The following NEK9 variants were observed in gnomAD, a reference collection of about 807,000 sequenced individuals.
NEK9 encodes serine/threonine-protein kinase Nek9.
In NEK9, 75 loss-of-function variants were observed where a neutral mutation model predicts 123.4. That is an observed-to-expected ratio of 0.61 (90% CI 0.50 to 0.74). The LOEUF is 0.74. Ranked by LOEUF, NEK9 falls within the 30% of genes least tolerant of loss-of-function variation. NEK9 has a pLI of 0.00. For missense variants in NEK9, 952 were observed against 1,214.4 expected (o/e 0.78, Z 3.21); for synonymous variants, 438 against 458.7 (o/e 0.95, Z 0.58).
rs1028063211 is a variant in NEK9, at chr14:75,091,556, C to A, written c.2234-78G>T. 3.3e-5 allele frequency: 42 copies of A among 1,264,490 alleles called. No homozygotes were observed. In the African/African-American group the frequency reaches 6.3e-4, roughly 19 times the overall value. The allele number at this position is 1,264,490 out of a possible 1,614,324, so 78.3% of individuals were successfully genotyped here. A position where few individuals can be genotyped will look rare whatever the true frequency, so the allele number is the denominator to read the frequency against. On this transcript the variant is annotated intron_variant, in intron 18 of 21. Transcript: ENST00000238616. ...TTTACCATTTGACAACCCTACTTAC[C>A]CTGGAAAGGTGCCTATAAGCTGCAT...
intron 14 of NEK9, among the ~76,000 whole-genome samples, chr14:75,102,683 C>G (rs1894627548): frequency 6.6e-6 from 1 of 152,198 alleles, no homozygotes; most frequent in South Asian, 2.1e-4. Flanking sequence ...TACAAAGACA[C>G]TCTCTCCAGC....
chr14:75,126,151 A>C (rs887465326), intron 1 of NEK9, among the ~76,000 whole-genome samples: 4 of 152,226 alleles, frequency 2.6e-5, no homozygotes, highest in African/African-American at 9.6e-5. Context: ...TAAAGAACCA[A>C]CACACAAAGA....
chr14:75,118,611 C>T (rs1398638971), intron 5 of NEK9, among the ~76,000 whole-genome samples: 1 of 152,174 alleles, frequency 6.6e-6, no homozygotes, highest in Non-Finnish European at 1.5e-5. Flanking sequence ...AGATAAGTCC[C>T]TAATCAGTGC....
intron 8 of NEK9, among the ~76,000 whole-genome samples, chr14:75,110,969 C>A (rs1352531149): frequency 2.0e-5 from 3 of 152,168 alleles, no homozygotes; most frequent in Non-Finnish European, 4.4e-5. Context: ...CTACTTCCCA[C>A]CTGTACTGTG....
rs754904152 is a variant in NEK9 at position 75,110,353 on chromosome 14, G to A, written c.957C>T (p.Val319=). 8 of 1,613,178 alleles carry A rather than the reference G, an allele frequency of 5.0e-6. No individual in the cohort carries two copies. The highest frequency in any genetic ancestry group is 5.1e-6 in the Non-Finnish European group (6 of 1,179,318). The part of the protein sequence containing the change: ...RKRRREMEEK[V]TLLNAPTKRP... ...TCTTTGTAGGTGCATTAAGCAGAGT[G>A]ACTTTTTCCTCCATCTCTCTACCAA... Residue 319 remains valine, a synonymous_variant, in exon 9 of 22, where the codon GTC becomes GTT. Coordinates refer to ENST00000238616, the MANE Select transcript of NEK9 (RefSeq NM_033116.6).
rs751180255 is a variant in NEK9 at position 75,083,049 on chromosome 14, C to G, written c.*1515G>C. The stretch of plus-strand genomic sequence containing the variant: ...AATGGGGTTCTCCCCAAGCATCAGC[C>G]TTTATGCCACCAGTTTTGGAGAAAT... On this transcript the variant is annotated 3_prime_UTR_variant, in exon 22 of 22. Coordinates refer to ENST00000238616, the MANE Select transcript of NEK9 (RefSeq NM_033116.6). 2.5e-6 allele frequency: 1 copy of G among 398,500 alleles called. No homozygotes were observed. Among genetic ancestry groups the G allele is most frequent in the Non-Finnish European group, 4.4e-6 (1 of 226,074 alleles). The allele number at this position is 398,500 out of a possible 1,614,324, so 24.7% of individuals were successfully genotyped here. A position where few individuals can be genotyped will look rare whatever the true frequency, so the allele number is the denominator to read the frequency against.
chr14:75,123,198 C>G (rs144622535), intron 2 of NEK9, among the ~76,000 whole-genome samples: 1 of 151,920 alleles, frequency 6.6e-6, no homozygotes, highest in South Asian at 2.1e-4. Context: ...GTCAGGAGTT[C>G]GAGACCAGTC....
At chr14:75,085,341 C>A (rs1444547627) in intron 21 of NEK9, among the ~76,000 whole-genome samples, 1 of 152,198 alleles carries the variant, frequency 6.6e-6, no homozygotes, top group African/African-American at 2.4e-5. Context: ...ATTTAATCCT[C>A]CAAAGAACCA....
chr14:75,102,370 C>T (rs900439086), intron 14 of NEK9, among the ~76,000 whole-genome samples: 24 of 152,146 alleles, frequency 1.6e-4, no homozygotes, highest in Admixed American at 3.3e-4. Flanking sequence ...TGTTTTGAGA[C>T]GGAGTCTTGC....
At chr14:75,095,457 G>A in intron 17 of NEK9, 26 bp from the exon 18 acceptor site, 1 of 1,558,354 alleles carries the variant, frequency 6.4e-7, no homozygotes, top group Non-Finnish European at 8.8e-7. Context: ...TGGTAGGTAA[G>A]CACTGTATAC....
chr14:75,084,809 G>A, intron 21 of NEK9, 123 bp from the exon 22 acceptor site: 1 of 1,262,364 alleles, frequency 7.9e-7, no homozygotes, highest in South Asian at 1.3e-5. Flanking sequence ...AGGATTTGTA[G>A]CCACGATCTT....
chr14:75,119,773 C>A (rs1237344635), intron 4 of NEK9, among the ~76,000 whole-genome samples: 1 of 152,120 alleles, frequency 6.6e-6, no homozygotes, highest in African/African-American at 2.4e-5. Flanking sequence ...GATAAATTGA[C>A]CATATGTAAA....
At chr14:75,124,002 C>A (rs1895429253) in intron 2 of NEK9, 44 bp downstream of exon 2, 2 of 1,498,428 alleles carry the variant, frequency 1.3e-6, no homozygotes, top group Admixed American at 3.4e-5. Context: ...AATTATGAGT[C>A]TAAGAAAGTC....
intron 18 of NEK9, among the ~76,000 whole-genome samples, chr14:75,092,288 GCA>G (rs922232420): frequency 8.1e-6 from 1 of 122,874 alleles, no homozygotes; most frequent in Admixed American, 8.6e-5. Flanking sequence ...TTTTTTTGAG[GCA>G]CAGTTTCATT....
intron 6 of NEK9, among the ~76,000 whole-genome samples, chr14:75,115,082 CGTGT>C (rs201640966): frequency 9.7e-5 from 12 of 124,248 alleles, no homozygotes; most frequent in African/African-American, 3.4e-4. Flanking sequence ...CATATATACA[CGTGT>C]GTGTACATAT....
chr14:75,086,566 C>A, intron 21 of NEK9: 1 of 162,458 alleles, frequency 6.2e-6, no homozygotes, highest in Non-Finnish European at 1.4e-5. Context: ...GGTGCCTGAA[C>A]AAGGCCCAAG....
chr14:75,103,477 A>G (rs1314030204), intron 14 of NEK9, among the ~76,000 whole-genome samples: 1 of 152,218 alleles, frequency 6.6e-6, no homozygotes, highest in Non-Finnish European at 1.5e-5. Context: ...ACACTGCAAA[A>G]TATCACACAG....
rs1223255803 is a variant in NEK9 at position 75,081,686 on chromosome 14, C to G, written c.*2878G>C. 3 of 152,104 alleles carry G rather than the reference C, an allele frequency of 2.0e-5. No individual in the cohort carries two copies. The highest frequency in any genetic ancestry group is 6.5e-5 in the Admixed American group (1 of 15,280). 9.4% of individuals were successfully genotyped at this position (152,104 alleles called of 1,614,324 possible). Reference sequence around the variant, plus strand: ...CTTTAAACTTCAGTGAAATGCTCAGCCAAGAGAAGTTGTAACTTGGCTGTG... The same window carrying G: ...CTTTAAACTTCAGTGAAATGCTCAGGCAAGAGAAGTTGTAACTTGGCTGTG... On this transcript the variant is annotated 3_prime_UTR_variant, in exon 22 of 22. Coordinates refer to ENST00000238616, the MANE Select transcript of NEK9 (RefSeq NM_033116.6). This position sits in a 1 kb window ranked among gnomAD's most constrained non-coding sequence, Gnocchi z 4.2.
At position 75,114,243 on chromosome 14, in the gene NEK9, G is replaced by C. The variant is rs1895054488; in HGVS notation, c.833C>G (p.Ser278Cys). The C allele has an allele frequency of 6.2e-7, 1 of 1,614,106 alleles. No individual in the cohort carries two copies. Residue 278 changes from serine (S) to cysteine (C), a missense_variant, in exon 7 of 22, where the codon TCT (serine) becomes TGT (cysteine). Ser to Cys is a moderately radical substitution (Grantham distance 112). Around this residue, in one of 4 missense-constraint regions of NEK9, gnomAD observed 698 missense variants for 875.6 expected, o/e 0.80. Transcript: ENST00000238616. ...RAMEVDSSQYSLELIQMVHSC... is the reference protein window; with the variant it reads ...RAMEVDSSQYCLELIQMVHSC... ...ATGAACCATTTGGATCAATTCCAAA[G>C]AGTACTGGCTAGAGTCAACTTCCAT...
Sources: gnomAD v4.1 joint callset for allele counts (sites outside exome capture counted in the v4.1 genomes callset) on GRCh38, gnomAD v4.1.1 for gene constraint, gnomAD v4.1.1 regional missense constraint, Gnocchi (gnomAD v3.1) non-coding constraint, MANE v1.5 for transcripts, NCBI Gene and HGNC (gene_info 2026-07-23, HGNC 2026-07-21) for gene names.